Variants in HHIPL1 observed in about 807,000 individuals in gnomAD.
The protein encoded by HHIPL1 is HHIP-like protein 1.
A neutral mutation model predicts 61.8 loss-of-function variants in HHIPL1; 43 were observed. That is an observed-to-expected ratio of 0.70 (90% CI 0.55 to 0.90). The LOEUF (loss-of-function observed/expected upper bound fraction) is 0.90, where lower values mean the gene tolerates loss of function less well. Ranked by LOEUF, HHIPL1 falls within the 40% of genes least tolerant of loss-of-function variation. HHIPL1 has a pLI of 0.00. For missense variants in HHIPL1, 1,056 were observed against 1,157.7 expected, an observed-to-expected ratio of 0.91 and a Z score of 1.28; for synonymous variants, 482 against 515.8, an observed-to-expected ratio of 0.93 and a Z score of 0.89.
upstream of HHIPL1, among the ~76,000 whole-genome samples, chr14:99,642,819 C>T (rs866083495): frequency 1.3e-5 from 2 of 152,124 alleles, no homozygotes; most frequent in African/African-American, 4.8e-5. Context: ...CCACTGTGCC[C>T]GGCCTTCATT....
chr14:99,672,526 AGCACTGTGCCTG>A (rs2056337118), intron 8 of HHIPL1, 127 bp downstream of exon 8: 6 of 735,002 alleles, frequency 8.2e-6, no homozygotes, highest in Admixed American at 4.3e-5. Flanking sequence ...CCCTGTGCCT[AGCACTGTGCCTG>A]GCACACATTA....
rs1200282657 is a variant in HHIPL1, at chr14:99,675,527, G to A, written c.2250G>A (p.Arg750=). 6.5e-7 allele frequency: 1 copy of A among 1,541,746 alleles called. No homozygotes were observed. Among genetic ancestry groups the A allele is most frequent in the Non-Finnish European group, 8.7e-7 (1 of 1,146,466 alleles). ...LDDVRCAGWE[R]NLLECQHNGV... ...ATGTGCGCTGCGCGGGCTGGGAGCGGAACCTGCTGGAGTGCCAGCACAACG... is the reference window on the plus strand; with the variant it reads ...ATGTGCGCTGCGCGGGCTGGGAGCGAAACCTGCTGGAGTGCCAGCACAACG... Residue 750 remains arginine, a synonymous_variant, in exon 9 of 9, where the codon CGG becomes CGA. Transcript: ENST00000330710. The surrounding 1 kb of genome is among the most constrained non-coding windows in gnomAD (Gnocchi z 5.4).
chr14:99,648,285 C>G (rs530350880), intron 1 of HHIPL1, among the ~76,000 whole-genome samples: 7 of 152,292 alleles, frequency 4.6e-5, no homozygotes, highest in Non-Finnish European at 1.0e-4. Flanking sequence ...ACACATACAT[C>G]TTCTCCATTT....
chr14:99,639,797 G>C, the HHIPL1 span, among the ~76,000 whole-genome samples: 25 of 152,244 alleles, frequency 1.6e-4, no homozygotes, highest in East Asian at 4.4e-3. Flanking sequence ...GAGTAGCTGG[G>C]ACTACAGGCA....
chr14:99,637,062 A>AGAGAGAG, the HHIPL1 span, among the ~76,000 whole-genome samples: 1 of 121,522 alleles, frequency 8.2e-6, no homozygotes, highest in African/African-American at 3.2e-5. Context: ...AAGGAAGGAA[A>AGAGAGAG]AAAGAAAGAA....
chr14:99,620,077 G>C, the HHIPL1 span, among the ~76,000 whole-genome samples: 19 of 152,300 alleles, frequency 1.2e-4, no homozygotes, highest in Middle Eastern at 3.4e-3. Context: ...CTAATTACCA[G>C]CTGGATGATG....
intron 2 of HHIPL1, among the ~76,000 whole-genome samples, chr14:99,655,605 TAG>T (rs2056015108): frequency 6.6e-6 from 1 of 151,496 alleles, no homozygotes; most frequent in Non-Finnish European, 1.5e-5. Flanking sequence ...GCCTGGGTGG[TAG>T]AGTCTCAAAA....
chr14:99,659,439 T>TG lies in HHIPL1; in HGVS notation c.1061dup (p.Lys355GlnfsTer10). 1 of 1,464,194 alleles carries TG rather than the reference T, an allele frequency of 6.8e-7. No individual in the cohort carries two copies. Among genetic ancestry groups the TG allele is most frequent in the South Asian group, 1.3e-5 (1 of 75,390 alleles). The allele number at this position is 1,464,194 out of a possible 1,614,324, so 90.7% of individuals were successfully genotyped here. ...CACCCCGCCCGCAGGTCGGCGCTGC[T>TG]GGGCAAGGTGCTGCGCATCGACGTG... On this transcript the variant is annotated frameshift_variant, in exon 4 of 9. Transcript: ENST00000330710. LOFTEE classifies it high-confidence loss of function.
chr14:99,615,419 C>G, the HHIPL1 span, among the ~76,000 whole-genome samples: 1 of 152,060 alleles, frequency 6.6e-6, no homozygotes, highest in African/African-American at 2.4e-5. Context: ...TGGTGCATGC[C>G]TGTGCTCCCA....
chr14:99,668,409 C>A lies in HHIPL1; in HGVS notation c.1730+106C>A. The A allele has an allele frequency of 1.4e-6, 1 of 712,984 alleles. No homozygotes were observed. The highest frequency in any genetic ancestry group is 1.5e-5 in the South Asian group (1 of 65,200). The allele number at this position is 712,984 out of a possible 1,614,324, so 44.2% of individuals were successfully genotyped here. On this transcript the variant is annotated intron_variant, in intron 7 of 8. Transcript: ENST00000330710. This position sits in a 1 kb window ranked among gnomAD's most constrained non-coding sequence, Gnocchi z 4.7. Reference sequence around the variant, plus strand: ...CCCTCAGGTGGGTGGTATTAATCCCCATTTTCAGACAAGAACCCTGAGGCC... The same window carrying A: ...CCCTCAGGTGGGTGGTATTAATCCCAATTTTCAGACAAGAACCCTGAGGCC...
chr14:99,675,471 C>T lies in HHIPL1; in HGVS notation c.2194C>T (p.Gln732Ter). ...VRAVKRAEFG[Q>*]GGSLPILLDD... ...CGCCGTCAAGAGAGCCGAGTTCGGC[C>T]AGGGCGGCTCGCTGCCCATTCTGCT... The change falls in exon 9 of 9, where the codon CAG (glutamine) becomes TAG (stop). Residue 732 changes from glutamine (Q) to a stop codon, truncating the protein, a stop_gained. Transcript: ENST00000330710. LOFTEE classifies it low-confidence loss of function (END_TRUNC). The surrounding 1 kb of genome is among the most constrained non-coding windows in gnomAD (Gnocchi z 5.4). 2.6e-6 allele frequency: 4 copies of T among 1,541,238 alleles called. No individual in the cohort carries two copies. Among genetic ancestry groups the T allele is most frequent in the Non-Finnish European group, 3.5e-6 (4 of 1,146,278 alleles).
Position 99,675,634 on chromosome 14 carries a change from GCCGCT to G in HHIPL1, c.*9_*13del. ...CAGAACCCCGACCTGTAGGCAACAC[GCCGCT>G]GCCCCAGGCCATCCCGCCGGCGGGG... On this transcript the variant is annotated 3_prime_UTR_variant, in exon 9 of 9. Coordinates refer to ENST00000330710, the MANE Select transcript of HHIPL1 (RefSeq NM_001127258.3). The surrounding 1 kb of genome is among the most constrained non-coding windows in gnomAD (Gnocchi z 5.4). 1.3e-6 allele frequency: 2 copies of G among 1,505,416 alleles called. No homozygotes were observed. Among genetic ancestry groups the G allele is most frequent in the Non-Finnish European group, 1.8e-6 (2 of 1,127,030 alleles). The allele number at this position is 1,505,416 out of a possible 1,614,324, so 93.3% of individuals were successfully genotyped here.
chr14:99,663,186 G>A (rs1235315950), intron 6 of HHIPL1, among the ~76,000 whole-genome samples, 165 bp downstream of exon 6: 2 of 152,124 alleles, frequency 1.3e-5, no homozygotes, highest in South Asian at 2.1e-4. Flanking sequence ...CCTCTGTTAC[G>A]GAAAGGGGTC....
At chr14:99,630,940 C>T in the HHIPL1 span, among the ~76,000 whole-genome samples, 756 of 152,264 alleles carry the variant, frequency 5.0e-3, 4 homozygotes, top group African/African-American at 0.017. Flanking sequence ...TCTCCCTGCA[C>T]GCATGTCCTC....
upstream of HHIPL1, among the ~76,000 whole-genome samples, chr14:99,644,597 G>A (rs1368624355): frequency 1.3e-5 from 2 of 152,096 alleles, no homozygotes; most frequent in African/African-American, 4.8e-5. Context: ...AGTGGGTCCT[G>A]GGCTGCAGGA....
chr14:99,614,777 C>T, the HHIPL1 span, among the ~76,000 whole-genome samples: 4 of 152,296 alleles, frequency 2.6e-5, no homozygotes, highest in Admixed American at 1.3e-4. Flanking sequence ...CACCTAGTGA[C>T]GCTGGAGGGG....
chr14:99,675,014 A>C lies in HHIPL1; in HGVS notation c.1814-77A>C. 1.3e-6 allele frequency: 1 copy of C among 773,552 alleles called. No individual in the cohort carries two copies. The highest frequency in any genetic ancestry group is 1.6e-6 in the Non-Finnish European group (1 of 613,008). 47.9% of individuals were successfully genotyped at this position (773,552 alleles called of 1,614,324 possible). A position where few individuals can be genotyped will look rare whatever the true frequency, so the allele number is the denominator to read the frequency against. The stretch of plus-strand genomic sequence containing the variant: ...AGTCTGCGCTCTCCGCACAGGTTGC[A>C]GGGCAGCACAGGGTGGGCAGCAGGG... On this transcript the variant is annotated intron_variant, in intron 8 of 8. Transcript: ENST00000330710. This position sits in a 1 kb window ranked among gnomAD's most constrained non-coding sequence, Gnocchi z 5.4.
chr14:99,622,005 G>A, the HHIPL1 span, among the ~76,000 whole-genome samples: 10 of 152,096 alleles, frequency 6.6e-5, no homozygotes, highest in Non-Finnish European at 1.3e-4. Flanking sequence ...ATAAGCCACC[G>A]CGCCTGGCCA....
chr14:99,646,791 T>TC (rs1566804675), intron 1 of HHIPL1, among the ~76,000 whole-genome samples: 7 of 115,846 alleles, frequency 6.0e-5, no homozygotes, highest in African/African-American at 2.4e-4. Context: ...TAATATAATA[T>TC]AATATGATAT....
Sources: gnomAD v4.1 joint callset for allele counts (sites outside exome capture counted in the v4.1 genomes callset) on GRCh38, gnomAD v4.1.1 for gene constraint, Gnocchi (gnomAD v3.1) non-coding constraint, MANE v1.5 for transcripts, NCBI Gene and HGNC (gene_info 2026-07-23, HGNC 2026-07-21) for gene names.